The following STK33 variants were observed in gnomAD, a reference collection of about 807,000 sequenced individuals.
The protein encoded by STK33 is serine/threonine kinase 33, also known as serine/threonine-protein kinase 33.
STK33 carries 52 observed loss-of-function variants against 58.0 expected under a neutral mutation model. That is an observed-to-expected ratio of 0.90 (90% CI 0.72 to 1.13). The LOEUF (loss-of-function observed/expected upper bound fraction) is 1.13, where lower values mean the gene tolerates loss of function less well. STK33 is among the 50% of genes most tolerant of loss of function. The pLI is 0.00. For missense variants in STK33, 630 were observed against 604.2 expected, an observed-to-expected ratio of 1.04 and a Z score of -0.45; for synonymous variants, 215 against 200.1, an observed-to-expected ratio of 1.07 and a Z score of -0.63.
chr11:8,555,376 GA>G (rs929241053), intron 1 of STK33, among the ~76,000 whole-genome samples: 4 of 152,080 alleles, frequency 2.6e-5, no homozygotes, highest in Admixed American at 6.6e-5. Context: ...AAATAATTAA[GA>G]AACTGGCTGG....
chr11:8,504,259 C>T (rs1194802879), intron 1 of STK33, among the ~76,000 whole-genome samples: 1 of 152,182 alleles, frequency 6.6e-6, no homozygotes, highest in Non-Finnish European at 1.5e-5. Context: ...ACAGCTACTG[C>T]TGTTATGAAC....
At chr11:8,566,795 A>G (rs1220670258) in intron 1 of STK33, among the ~76,000 whole-genome samples, 1 of 152,194 alleles carries the variant, frequency 6.6e-6, no homozygotes, top group African/African-American at 2.4e-5. Flanking sequence ...ACTGACCTCT[A>G]GTGGAAATTT....
At chr11:8,384,342 G>C in the STK33 span, among the ~76,000 whole-genome samples, 14 of 152,200 alleles carry the variant, frequency 9.2e-5, no homozygotes, top group Admixed American at 5.2e-4. Context: ...CCATGGTCTT[G>C]CGGTAATGCC....
intron 8 of STK33, among the ~76,000 whole-genome samples, chr11:8,459,452 C>T (rs1947257994): frequency 6.6e-6 from 1 of 152,116 alleles, no homozygotes; most frequent in African/African-American, 2.4e-5. Context: ...GATTTAGACT[C>T]CTGCTTGTAC....
chr11:8,495,709 C>G (rs1269827312), intron 1 of STK33, among the ~76,000 whole-genome samples: 7 of 152,128 alleles, frequency 4.6e-5, no homozygotes, highest in Non-Finnish European at 1.0e-4. Context: ...AAATGTCCAT[C>G]AATGATAGAC....
At chr11:8,368,714 C>T in the STK33 span, among the ~76,000 whole-genome samples, 1 of 152,230 alleles carries the variant, frequency 6.6e-6, no homozygotes, top group East Asian at 1.9e-4. Context: ...CTCAAGGAGC[C>T]CCAGTCTGGT....
intron 1 of STK33, among the ~76,000 whole-genome samples, chr11:8,576,428 G>C (rs1958188795): frequency 6.6e-6 from 1 of 152,064 alleles, no homozygotes. Context: ...AATGTAATAA[G>C]AAGAAATAAA....
At chr11:8,577,578 T>C (rs1447053681) in intron 1 of STK33, among the ~76,000 whole-genome samples, 1 of 152,130 alleles carries the variant, frequency 6.6e-6, no homozygotes, top group Non-Finnish European at 1.5e-5. Context: ...ATACATATTC[T>C]TTTTAAAAAC....
intron 14 of STK33, among the ~76,000 whole-genome samples, chr11:8,430,494 A>G (rs1390715348): frequency 6.6e-6 from 1 of 152,076 alleles, no homozygotes; most frequent in Non-Finnish European, 1.5e-5. Flanking sequence ...ACAGCTGAAG[A>G]GCAAAAAAAA....
At chr11:8,574,065 G>A (rs1465113918) in intron 1 of STK33, among the ~76,000 whole-genome samples, 1 of 152,148 alleles carries the variant, frequency 6.6e-6, no homozygotes, top group Non-Finnish European at 1.5e-5. Flanking sequence ...ACCACATGCT[G>A]GAGTGTTGCC....
intron 15 of STK33, among the ~76,000 whole-genome samples, chr11:8,409,487 G>A (rs539847421): frequency 6.6e-6 from 1 of 152,266 alleles, no homozygotes; most frequent in South Asian, 2.1e-4. Flanking sequence ...AGTTCTACCA[G>A]GGAGAACTGC....
chr11:8,397,830 C>T (rs558617931), intron 15 of STK33, among the ~76,000 whole-genome samples: 82 of 94,002 alleles, frequency 8.7e-4, no homozygotes, highest in African/African-American at 4.3e-3. Context: ...GCCTCAGTAG[C>T]CGATTCGATC....
chr11:8,536,195 T>C (rs1220000002), intron 1 of STK33, among the ~76,000 whole-genome samples: 1 of 152,030 alleles, frequency 6.6e-6, no homozygotes. Flanking sequence ...GATAGCAGAG[T>C]AGGGTAATTA....
At chr11:8,390,894 C>A (rs1185925359), downstream of STK33, among the ~76,000 whole-genome samples, 1 of 152,194 alleles carries the variant, frequency 6.6e-6, no homozygotes, top group Non-Finnish European at 1.5e-5. Flanking sequence ...AAAAGAATAT[C>A]ACTGTGAAAG....
Position 8,525,206 on chromosome 11 carries a change from A to T in STK33, c.-465-44592T>A, listed in dbSNP as rs941233758. On this transcript the variant is annotated intron_variant, in intron 1 of 15. Transcript: ENST00000687296. ...CCTAAGCTGATCTAGGGATTCTATA[A>T]GATCCCAATCAAAACTCCAATAGGT... 2.0e-5 allele frequency among the ~76,000 whole-genome samples: 3 copies of T among 152,316 alleles called. No homozygotes were observed. In the East Asian group the frequency reaches 5.8e-4, roughly 29 times the overall value.
chr11:8,340,256 T>G, the STK33 span, among the ~76,000 whole-genome samples: 1 of 152,190 alleles, frequency 6.6e-6, no homozygotes, highest in Non-Finnish European at 1.5e-5. Context: ...CTTCCTTCTA[T>G]GTCTAGTACA....
At chr11:8,479,427 G>A (rs181304102) in intron 2 of STK33, among the ~76,000 whole-genome samples, 1,840 of 141,398 alleles carry the variant, frequency 0.013, 35 homozygotes, top group African/African-American at 0.047. Context: ...GCTAGACTCC[G>A]TCTCAAAAAA....
chr11:8,345,398 G>A, the STK33 span, among the ~76,000 whole-genome samples: 1 of 152,238 alleles, frequency 6.6e-6, no homozygotes, highest in Non-Finnish European at 1.5e-5. Context: ...TTAAACCCTC[G>A]TCTCCCTTCC....
intron 1 of STK33, among the ~76,000 whole-genome samples, chr11:8,489,257 C>CAAAAAAAAAAAAAAAAAAAAAAAA (rs377017514): frequency 3.1e-5 from 2 of 64,352 alleles, no homozygotes; most frequent in African/African-American, 7.2e-5. Flanking sequence ...AAGCTATCTC[C>CAAAAAAAAAAAAAAAAAAAAAAAA]AAAAAAAAAA....
Sources: gnomAD v4.1 joint callset for allele counts (sites outside exome capture counted in the v4.1 genomes callset) on GRCh38, gnomAD v4.1.1 for gene constraint, MANE v1.5 for transcripts, NCBI Gene and HGNC (gene_info 2026-07-23, HGNC 2026-07-21) for gene names.